The following ABAT variants were observed in gnomAD, a reference collection of about 807,000 sequenced individuals.
ABAT encodes 4-aminobutyrate aminotransferase, also known as 4-aminobutyrate aminotransferase, mitochondrial.
ABAT carries 45 observed loss-of-function variants against 64.6 expected under a neutral mutation model. That is an observed-to-expected ratio of 0.70 (90% confidence interval 0.55 to 0.89). The LOEUF (loss-of-function observed/expected upper bound fraction) is 0.89. ABAT is among the 40% of genes least tolerant of loss of function. The pLI, the probability that ABAT is intolerant of heterozygous loss-of-function variation, is 0.00. For missense variants in ABAT, 633 were observed against 658.4 expected, an observed-to-expected ratio of 0.96 and a Z score of 0.42; for synonymous variants, 297 against 250.5, an observed-to-expected ratio of 1.19 and a Z score of -1.75.
intron 1 of ABAT, among the ~76,000 whole-genome samples, chr16:8,676,285 C>T (rs991738134): frequency 6.6e-6 from 1 of 152,126 alleles, no homozygotes; most frequent in African/African-American, 2.4e-5. Flanking sequence ...GTTAAACACA[C>T]AGAGGCACAA....
intron 4 of ABAT, 121 bp from the exon 5 acceptor site, chr16:8,750,301 T>A (rs1024189649): frequency 2.3e-5 from 20 of 879,822 alleles, no homozygotes; most frequent in Non-Finnish European, 3.8e-5. Context: ...CACCCACAGA[T>A]GCCTCTGTGT....
chr16:8,700,379 AT>A (rs757125619), intron 1 of ABAT, among the ~76,000 whole-genome samples: 7 of 152,140 alleles, frequency 4.6e-5, no homozygotes, highest in Non-Finnish European at 1.0e-4. Context: ...GGCTCCATGA[AT>A]TTTTACCTGA....
chr16:8,714,093 T>C (rs1403695079), intron 1 of ABAT, among the ~76,000 whole-genome samples: 3 of 152,140 alleles, frequency 2.0e-5, no homozygotes, highest in African/African-American at 7.2e-5. Flanking sequence ...TCAAGGACAC[T>C]TTGTGAACAC....
intron 1 of ABAT, among the ~76,000 whole-genome samples, chr16:8,717,265 G>C (rs992647673): frequency 6.6e-6 from 1 of 152,044 alleles, no homozygotes; most frequent in Non-Finnish European, 1.5e-5. Context: ...ACTTCAGCCT[G>C]GGCAACAAGA....
chr16:8,750,327 C>G, intron 4 of ABAT, 95 bp from the exon 5 acceptor site: 1 of 1,077,598 alleles, frequency 9.3e-7, no homozygotes, highest in Admixed American at 1.7e-5. Context: ...CAGATAGTCA[C>G]GATATGGTGT....
chr16:8,748,094 G>C lies in ABAT; in HGVS notation c.169-14G>C, dbSNP rs764237449. On this transcript the variant is annotated splice_polypyrimidine_tract_variant and intron_variant, in intron 3 of 15. Coordinates refer to ENST00000268251, the MANE Select transcript of ABAT (RefSeq NM_020686.6). ...GTGGACTTGCTATAATGCTTTTGTT[G>C]TTCTTGCCTGCAGGAGTTAATGAAA... 1.2e-5 allele frequency: 19 copies of C among 1,613,152 alleles called. No homozygotes were observed.
At chr16:8,754,712 TTCTTTCTTTC>T (rs1312500609) in intron 5 of ABAT, among the ~76,000 whole-genome samples, 10 of 108,748 alleles carry the variant, frequency 9.2e-5, no homozygotes, top group African/African-American at 2.5e-4. Flanking sequence ...CTTTCTTTCT[TTCTTTCTTTC>T]TTTTTTTTTT....
chr16:8,685,292 T>C (rs1156278322), intron 1 of ABAT, among the ~76,000 whole-genome samples: 2 of 150,544 alleles, frequency 1.3e-5, no homozygotes, highest in African/African-American at 2.4e-5. Flanking sequence ...AAAATAACAA[T>C]AATAATGAAC....
chr16:8,695,927 T>C (rs2057691442), intron 1 of ABAT, among the ~76,000 whole-genome samples: 1 of 152,168 alleles, frequency 6.6e-6, no homozygotes, highest in Non-Finnish European at 1.5e-5. Context: ...GAGGGATCTC[T>C]GAGCTGATTG....
intron 1 of ABAT, chr16:8,720,918 A>G (rs1488833754): frequency 1.3e-5 from 2 of 152,296 alleles, no homozygotes; most frequent in Non-Finnish European, 2.9e-5. Flanking sequence ...GGACCTGGGA[A>G]GCAGCGGAGT....
intron 1 of ABAT, among the ~76,000 whole-genome samples, chr16:8,718,773 G>A (rs777857701): frequency 2.6e-5 from 4 of 152,150 alleles, no homozygotes; most frequent in Non-Finnish European, 4.4e-5. Flanking sequence ...ACCTTGACAC[G>A]ATTGGCATTC....
At chr16:8,719,658 T>A (rs1386393392) in intron 1 of ABAT, among the ~76,000 whole-genome samples, 1 of 152,026 alleles carries the variant, frequency 6.6e-6, no homozygotes, top group Non-Finnish European at 1.5e-5. Context: ...TAGCAGCTCA[T>A]CAGGCCATAG....
Position 8,722,443 on chromosome 16 carries a change from C to G in ABAT, c.-41-13256C>G, listed in dbSNP as rs890325992. Among the ~76,000 whole-genome samples, 2 of 152,058 alleles carry G rather than the reference C, an allele frequency of 1.3e-5. 1 individual carries two copies. Among genetic ancestry groups the G allele is most frequent in the South Asian group, 4.2e-4 (2 of 4,818 alleles). On this transcript the variant is annotated intron_variant, in intron 1 of 15. Coordinates refer to ENST00000268251, the MANE Select transcript of ABAT (RefSeq NM_020686.6). Reference sequence around the variant, plus strand: ...TACAGGCATGAGCCACCACACCTGGCCAGAAGGTAGCAATTGGAAAGGATC... The same window carrying G: ...TACAGGCATGAGCCACCACACCTGGGCAGAAGGTAGCAATTGGAAAGGATC...
chr16:8,751,177 G>C (rs2059470315), intron 5 of ABAT, among the ~76,000 whole-genome samples: 1 of 152,062 alleles, frequency 6.6e-6, no homozygotes, highest in Middle Eastern at 3.2e-3. Flanking sequence ...TAGAACTCCT[G>C]ACCGCAAGTG....
chr16:8,726,840 C>G (rs762964715), intron 1 of ABAT, among the ~76,000 whole-genome samples: 1 of 152,200 alleles, frequency 6.6e-6, no homozygotes, highest in African/African-American at 2.4e-5. Context: ...GCTCCACATC[C>G]TCTCCAGCAT....
intron 5 of ABAT, among the ~76,000 whole-genome samples, chr16:8,753,454 A>T (rs1025817400): frequency 1.3e-5 from 2 of 152,138 alleles, no homozygotes; most frequent in African/African-American, 4.8e-5. Context: ...CCTGCCCTGA[A>T]ATGTGGGGGT....
chr16:8,716,515 C>T (rs1394408769), intron 1 of ABAT, among the ~76,000 whole-genome samples: 1 of 152,140 alleles, frequency 6.6e-6, no homozygotes, highest in Non-Finnish European at 1.5e-5. Flanking sequence ...CTTCTGTACC[C>T]AGGGCGTGCT....
intron 1 of ABAT, chr16:8,715,447 A>G (rs972788157): frequency 3.3e-5 from 5 of 151,990 alleles, no homozygotes; most frequent in African/African-American, 1.2e-4. Context: ...GGGAGACCCC[A>G]TCTCTACAAA....
intron 1 of ABAT, among the ~76,000 whole-genome samples, chr16:8,677,746 G>A (rs573309669): frequency 6.5e-4 from 99 of 152,198 alleles, no homozygotes; most frequent in Admixed American, 2.9e-3. Flanking sequence ...CTTTTCCTTC[G>A]CTATTGAGAA....
Sources: gnomAD v4.1 joint callset for allele counts (sites outside exome capture counted in the v4.1 genomes callset) on GRCh38, gnomAD v4.1.1 for gene constraint, MANE v1.5 for transcripts, NCBI Gene and HGNC (gene_info 2026-07-23, HGNC 2026-07-21) for gene names.